ABTB3: variants seen among roughly 807,000 people sequenced by gnomAD.
ABTB3 encodes the protein ankyrin repeat- and BTB/POZ domain-containing protein 3.
At chr12:107,414,540 C>T in the ABTB3 span, among the ~76,000 whole-genome samples, 1 of 152,110 alleles carries the variant, frequency 6.6e-6, no homozygotes, top group Admixed American at 6.5e-5. Context: ...CATTAATTGA[C>T]TTTAATTTCC....
the ABTB3 span, among the ~76,000 whole-genome samples, chr12:107,342,924 G>A: frequency 6.6e-6 from 1 of 152,194 alleles, no homozygotes; most frequent in African/African-American, 2.4e-5. Flanking sequence ...TCCTTTTGCT[G>A]TTGAAAGTGT....
the ABTB3 span, among the ~76,000 whole-genome samples, chr12:107,411,105 C>T: frequency 1.3e-5 from 2 of 151,968 alleles, no homozygotes; most frequent in Admixed American, 6.6e-5. Context: ...TTTGAGACCA[C>T]CCTGGCCAAC....
the ABTB3 span, among the ~76,000 whole-genome samples, chr12:107,522,977 C>T: frequency 6.6e-6 from 1 of 152,078 alleles, no homozygotes; most frequent in African/African-American, 2.4e-5. Context: ...GGAAAGTAAT[C>T]CTGTATTTAC....
the ABTB3 span, among the ~76,000 whole-genome samples, chr12:107,345,575 A>T: frequency 6.6e-6 from 1 of 152,144 alleles, no homozygotes; most frequent in Non-Finnish European, 1.5e-5. Flanking sequence ...GCCCATGCTG[A>T]CTGGCTTGGG....
At chr12:107,633,971 GGCAGTTAT>G in the ABTB3 span, among the ~76,000 whole-genome samples, 1 of 152,222 alleles carries the variant, frequency 6.6e-6, no homozygotes, top group South Asian at 2.1e-4. Context: ...CCGATAGGCA[GGCAGTTAT>G]TTTTATGAGT....
At chr12:107,319,355 G>T in the ABTB3 span, 1 of 1,559,404 alleles carries the variant, frequency 6.4e-7, no homozygotes, top group Non-Finnish European at 8.7e-7. Context: ...GGTGAGCCGG[G>T]CGCTGGTGCG....
At chr12:107,388,575 A>G in the ABTB3 span, among the ~76,000 whole-genome samples, 1 of 108,368 alleles carries the variant, frequency 9.2e-6, no homozygotes. Context: ...TCCTACTCCC[A>G]CCCTTTCTTC....
chr12:107,322,249 C>T, the ABTB3 span, among the ~76,000 whole-genome samples: 1 of 152,238 alleles, frequency 6.6e-6, no homozygotes, highest in East Asian at 1.9e-4. Context: ...TTGGGGTTTG[C>T]TGCCATCACA....
At chr12:107,571,226 G>A in the ABTB3 span, among the ~76,000 whole-genome samples, 5 of 152,176 alleles carry the variant, frequency 3.3e-5, no homozygotes, top group African/African-American at 4.8e-5. Flanking sequence ...ACAATGCTGA[G>A]GTGTGGCCTT....
At chr12:107,411,103 C>A in the ABTB3 span, among the ~76,000 whole-genome samples, 1 of 152,060 alleles carries the variant, frequency 6.6e-6, no homozygotes, top group East Asian at 1.9e-4. Flanking sequence ...ATTTTGAGAC[C>A]ACCCTGGCCA....
chr12:107,583,807 C>A, the ABTB3 span, among the ~76,000 whole-genome samples: 1 of 152,192 alleles, frequency 6.6e-6, no homozygotes, highest in Non-Finnish European at 1.5e-5. Context: ...GGCCAGAATG[C>A]ACAGAGGAGC....
chr12:107,323,402 G>T, the ABTB3 span, among the ~76,000 whole-genome samples: 2 of 152,174 alleles, frequency 1.3e-5, no homozygotes, highest in African/African-American at 4.8e-5. Flanking sequence ...AGAAAAAAAA[G>T]ATAATTGGCT....
the ABTB3 span, chr12:107,543,971 C>A: frequency 6.2e-7 from 1 of 1,613,874 alleles, no homozygotes; most frequent in Non-Finnish European, 8.5e-7. Flanking sequence ...CACCTGCAGC[C>A]CCTCAATGCC....
At chr12:107,648,995 CA>C in the ABTB3 span, among the ~76,000 whole-genome samples, 1 of 152,132 alleles carries the variant, frequency 6.6e-6, no homozygotes, top group Non-Finnish European at 1.5e-5. Context: ...CAACAGGTAT[CA>C]AACTATCTGA....
chr12:107,611,262 C>G, the ABTB3 span, among the ~76,000 whole-genome samples: 1 of 152,050 alleles, frequency 6.6e-6, no homozygotes, highest in Non-Finnish European at 1.5e-5. Context: ...TCCAGGCTGG[C>G]CTTGAACTCT....
chr12:107,362,598 GC>G, the ABTB3 span, among the ~76,000 whole-genome samples: 2 of 152,288 alleles, frequency 1.3e-5, no homozygotes, highest in African/African-American at 2.4e-5. Flanking sequence ...TTTGAGACCA[GC>G]CTGGGCAACA....
the ABTB3 span, among the ~76,000 whole-genome samples, chr12:107,417,234 G>A: frequency 4.6e-5 from 7 of 152,144 alleles, no homozygotes; most frequent in African/African-American, 9.7e-5. Context: ...GTCTGCCACC[G>A]GCTGGCCTTG....
chr12:107,630,371 G>C, the ABTB3 span, among the ~76,000 whole-genome samples: 5 of 152,182 alleles, frequency 3.3e-5, no homozygotes, highest in African/African-American at 1.2e-4. Context: ...AATGGATGAA[G>C]TGTAGGGAGC....
At chr12:107,420,068 C>T in the ABTB3 span, among the ~76,000 whole-genome samples, 9 of 152,148 alleles carry the variant, frequency 5.9e-5, no homozygotes, top group African/African-American at 1.7e-4. Flanking sequence ...CAGATGTGCA[C>T]GTTGGAAAGA....
Sources: allele counts gnomAD v4.1 joint callset (sites outside exome capture counted in the v4.1 genomes callset), GRCh38; gene constraint gnomAD v4.1.1; transcripts MANE v1.5; gene names NCBI Gene and HGNC (gene_info 2026-07-23, HGNC 2026-07-21).